Variants in NAF1 observed in about 807,000 individuals in gnomAD.
The protein encoded by NAF1 is H/ACA ribonucleoprotein complex non-core subunit NAF1.
Under a neutral mutation model 40.6 loss-of-function variants are expected in NAF1, and 11 were observed. The observed-to-expected ratio is 0.27, with a 90% CI of 0.17 to 0.45. The LOEUF (loss-of-function observed/expected upper bound fraction) is 0.45. Ranked by LOEUF, NAF1 falls within the 20% of genes least tolerant of loss-of-function variation. The pLI, the probability that NAF1 is intolerant of heterozygous loss-of-function variation, is 1.00. For synonymous variants in NAF1, 260 were observed against 228.5 expected (o/e 1.14, Z -1.24); for missense variants, 607 against 611.1 (o/e 0.99, Z 0.07).
chr4:163,148,268 G>A (rs1424190558), intron 3 of NAF1, 73 bp downstream of exon 3: 4 of 883,730 alleles, frequency 4.5e-6, no homozygotes, highest in South Asian at 4.6e-5. Context: ...AAATTTACTA[G>A]TCATAAAAGT....
At chr4:163,148,467 T>C in intron 2 of NAF1, 33 bp from the exon 3 acceptor site, 1 of 1,396,312 alleles carries the variant, frequency 7.2e-7, no homozygotes, top group Non-Finnish European at 9.8e-7. Context: ...ACATTAAACT[T>C]CCTCCAGCTT....
At chr4:163,146,770 G>C (rs920301499) in intron 3 of NAF1, among the ~76,000 whole-genome samples, 1 of 152,184 alleles carries the variant, frequency 6.6e-6, no homozygotes, top group Non-Finnish European at 1.5e-5. Context: ...AACGTAGCAA[G>C]ACCTTGTCTC....
At chr4:163,106,757 A>G (rs547659172), downstream of NAF1, among the ~76,000 whole-genome samples, 1 of 152,318 alleles carries the variant, frequency 6.6e-6, no homozygotes, top group South Asian at 2.1e-4. Context: ...CTGAGAATAT[A>G]GAAAAAAAAC....
chr4:163,131,933 T>C (rs1313400028), intron 7 of NAF1, among the ~76,000 whole-genome samples: 2 of 152,206 alleles, frequency 1.3e-5, no homozygotes, highest in Non-Finnish European at 2.9e-5. Context: ...TCACTGAAGA[T>C]ACCGATAGTA....
In NAF1 at chr4:163,128,841, A is replaced by G; in HGVS notation, c.*56T>C. The G allele has an allele frequency of 1.3e-5, 19 of 1,458,204 alleles. No homozygotes were observed. The highest frequency in any genetic ancestry group is 1.5e-5 in the Non-Finnish European group (17 of 1,101,134). The allele number at this position is 1,458,204 out of a possible 1,614,324, so 90.3% of individuals were successfully genotyped here. A position where few individuals can be genotyped will look rare whatever the true frequency, so the allele number is the denominator to read the frequency against. The stretch of plus-strand genomic sequence containing the variant: ...GCTCCATAATCACTCTTGAAAAAAA[A>G]AAATCCTTACCACATAATATGAAAA... On this transcript the variant is annotated 3_prime_UTR_variant, in exon 8 of 8. Coordinates refer to ENST00000274054, the MANE Select transcript of NAF1 (RefSeq NM_138386.3).
Position 163,129,277 on chromosome 4 carries a change from G to C in NAF1, c.1105C>G (p.Arg369Gly). 1 of 1,614,080 alleles carries C rather than the reference G, an allele frequency of 6.2e-7. No homozygotes were observed. ...AATCCTCGTGTGAATTCTCTGTTAC[G>C]ATATCCTTTTGCATGCTCTGAAGCA... is the stretch of plus-strand genomic sequence containing the variant. ...SSASEHAKGY[R>G]NREFTRGFSR... The change falls in exon 8 of 8, where the codon CGT (arginine) becomes GGT (glycine). Residue 369 changes from arginine to glycine, a missense_variant. Physicochemically the swap from Arg to Gly is moderately radical, Grantham distance 125 (BLOSUM62 -2). Transcript: ENST00000274054.
chr4:163,145,389 A>C (rs1378588452), intron 4 of NAF1, among the ~76,000 whole-genome samples: 1 of 152,216 alleles, frequency 6.6e-6, no homozygotes, highest in Non-Finnish European at 1.5e-5. Flanking sequence ...AAAGTCTGAG[A>C]GCCACTATTC....
Position 163,166,769 on chromosome 4 carries a change from C to G in NAF1, c.-42G>C, listed in dbSNP as rs1310813645. The G allele has an allele frequency of 1.2e-6, 2 of 1,608,980 alleles. No individual in the cohort carries two copies. Among genetic ancestry groups the G allele is most frequent in the African/African-American group, 2.7e-5 (2 of 74,676 alleles). ...CCGGGTCGGCCTCAGGATTGGGGCCCCTGGACAAGCTCACGGCTCTCTCCA... is the reference window on the plus strand; with the variant it reads ...CCGGGTCGGCCTCAGGATTGGGGCCGCTGGACAAGCTCACGGCTCTCTCCA... On this transcript the variant is annotated 5_prime_UTR_variant, in exon 1 of 8. Transcript: ENST00000274054.
Position 163,110,107 on chromosome 4 carries a change from T to C in NAF1, c.*169A>G, listed in dbSNP as rs977914372. ...TTATTTATTTAGGCAGAACATACAG[T>C]ACTTGAAATCTGTGGGTTGCCATGA... On this transcript the variant is annotated 3_prime_UTR_variant, in exon 3 of 3. Coordinates refer to the NAF1 transcript ENST00000509434. The C allele has an allele frequency of 7.6e-6, 4 of 528,726 alleles. No individual in the cohort carries two copies. The African/African-American group carries it at 7.7e-5, about 10-fold the overall frequency. The allele number at this position is 528,726 out of a possible 1,614,324, so 32.8% of individuals were successfully genotyped here. A position where few individuals can be genotyped will look rare whatever the true frequency, so the allele number is the denominator to read the frequency against.
At position 163,166,353 on chromosome 4, in the gene NAF1, G is replaced by A. The variant is rs762138230; in HGVS notation, c.365+10C>T. ...TCTCCCCACAGCTCCGGGTCCCTTA[G>A]GCACCCGACCTGTCCGAGTCCGAAT... On this transcript the variant is annotated intron_variant, in intron 1 of 7. Transcript: ENST00000274054. 1.5e-5 allele frequency: 24 copies of A among 1,578,126 alleles called. No homozygotes were observed. The African/African-American group carries it at 1.6e-4, about 11-fold the overall frequency.
intron 5 of NAF1, among the ~76,000 whole-genome samples, chr4:163,139,521 C>T (rs982123921): frequency 1.3e-5 from 2 of 151,970 alleles, no homozygotes; most frequent in South Asian, 4.1e-4. Context: ...ATAATTATAA[C>T]AAGTTTAGCT....
Position 163,166,838 on chromosome 4 carries a change from G to A in NAF1, c.-111C>T, listed in dbSNP as rs1173653267. The stretch of plus-strand genomic sequence containing the variant: ...AGGCAACCGCAGCAACACTGCCTGG[G>A]CCCAACTTCCCGCGTTTCTCAGGTA... On this transcript the variant is annotated 5_prime_UTR_variant, in exon 1 of 8. Transcript: ENST00000274054. The A allele has an allele frequency of 1.6e-5, 22 of 1,416,288 alleles. No individual in the cohort carries two copies. The highest frequency in any genetic ancestry group is 2.1e-5 in the Non-Finnish European group (22 of 1,063,282). The allele number at this position is 1,416,288 out of a possible 1,614,324, so 87.7% of individuals were successfully genotyped here. A position where few individuals can be genotyped will look rare whatever the true frequency, so the allele number is the denominator to read the frequency against.
chr4:163,128,642 TGGGA>T (rs889469829), downstream of NAF1: 19 of 651,368 alleles, frequency 2.9e-5, no homozygotes, highest in African/African-American at 3.0e-4. Flanking sequence ...TGGGTGGGGT[TGGGA>T]GGGAGAAGGC....
chr4:163,121,738 A>G (rs1040856878), downstream of NAF1, among the ~76,000 whole-genome samples: 5 of 152,232 alleles, frequency 3.3e-5, no homozygotes, highest in African/African-American at 9.6e-5. Context: ...CACTTATAGA[A>G]GTACATGACT....
intron 7 of NAF1, among the ~76,000 whole-genome samples, chr4:163,131,115 C>A (rs185750283): frequency 5.3e-5 from 8 of 152,304 alleles, no homozygotes; most frequent in African/African-American, 1.9e-4. Flanking sequence ...TCCTGATCTG[C>A]CTGCCTCGGC....
downstream of NAF1, chr4:163,128,655 G>C (rs1373205004): frequency 1.1e-6 from 1 of 941,108 alleles, no homozygotes; most frequent in Non-Finnish European, 1.3e-6. Flanking sequence ...GAGGGAGAAG[G>C]CATGAATTCA....
intron 2 of NAF1, among the ~76,000 whole-genome samples, chr4:163,112,666 A>G (rs1254084406): frequency 1.3e-5 from 2 of 152,174 alleles, no homozygotes; most frequent in South Asian, 2.1e-4. Context: ...ATGCTGGAAG[A>G]TATCTGCTAA....
chr4:163,131,679 CA>C, intron 7 of NAF1, among the ~76,000 whole-genome samples: 1 of 152,078 alleles, frequency 6.6e-6, no homozygotes, highest in Non-Finnish European at 1.5e-5. Flanking sequence ...TAAAGCTAAG[CA>C]GGAAGTTCTC....
intron 2 of NAF1, among the ~76,000 whole-genome samples, chr4:163,113,206 A>G (rs564056347): frequency 1.8e-4 from 27 of 152,282 alleles, no homozygotes; most frequent in Non-Finnish European, 2.8e-4. Flanking sequence ...CCAGAATATA[A>G]GTGTACAGCT....
Sources: gnomAD v4.1 joint callset for allele counts (sites outside exome capture counted in the v4.1 genomes callset) on GRCh38, gnomAD v4.1.1 for gene constraint, MANE v1.5 for transcripts, NCBI Gene and HGNC (gene_info 2026-07-23, HGNC 2026-07-21) for gene names.